The following TARP variants were observed in gnomAD, a reference collection of about 807,000 sequenced individuals.
the TARP span, among the ~76,000 whole-genome samples, chr7:38,264,474 C>G: frequency 7.0e-4 from 106 of 151,310 alleles, 1 homozygote; most frequent in Admixed American, 4.0e-4. Flanking sequence ...GCCTGCAATC[C>G]CAGCCTGTCG....
At chr7:38,268,378 T>C in the TARP span, among the ~76,000 whole-genome samples, 1 of 151,630 alleles carries the variant, frequency 6.6e-6, no homozygotes, top group Non-Finnish European at 1.5e-5. Context: ...ATATATTAAA[T>C]CTACATATGG....
the TARP span, among the ~76,000 whole-genome samples, chr7:38,260,958 G>C: frequency 3.3e-5 from 5 of 151,926 alleles, no homozygotes; most frequent in East Asian, 9.6e-4. Context: ...CATATGTAGA[G>C]AGAAAAAGCC....
the TARP span, among the ~76,000 whole-genome samples, chr7:38,268,242 T>G: frequency 6.6e-6 from 1 of 151,448 alleles, no homozygotes; most frequent in African/African-American, 2.4e-5. Context: ...TTGGATTCAT[T>G]TATGTACATT....
chr7:38,260,476 A>T, the TARP span, among the ~76,000 whole-genome samples: 1 of 146,420 alleles, frequency 6.8e-6, no homozygotes, highest in Admixed American at 6.8e-5. Context: ...GTAAGGTTGC[A>T]TTGTGGAAAA....
the TARP span, among the ~76,000 whole-genome samples, chr7:38,267,976 T>C: frequency 6.6e-6 from 1 of 151,440 alleles, no homozygotes; most frequent in Admixed American, 6.6e-5. Context: ...TTTCATTCTT[T>C]TCAGGACAAA....
chr7:38,271,942 C>T, the TARP span, among the ~76,000 whole-genome samples: 188 of 151,408 alleles, frequency 1.2e-3, 1 homozygote, highest in Middle Eastern at 3.4e-3. Context: ...AGACATTTGA[C>T]TGTTTTACCT....
chr7:38,272,060 C>T, the TARP span, among the ~76,000 whole-genome samples: 1 of 150,938 alleles, frequency 6.6e-6, no homozygotes, highest in Admixed American at 6.7e-5. Flanking sequence ...TCAGGTAGAT[C>T]ATATTTGAGA....
At chr7:38,270,145 A>G in the TARP span, among the ~76,000 whole-genome samples, 1 of 151,868 alleles carries the variant, frequency 6.6e-6, no homozygotes, top group South Asian at 2.1e-4. Context: ...GATGATGATG[A>G]TGTCATTGTT....
chr7:38,261,157 A>G, the TARP span, among the ~76,000 whole-genome samples: 1 of 151,762 alleles, frequency 6.6e-6, no homozygotes. Context: ...GTGAAAGTCC[A>G]GTCTGCAAAG....
At chr7:38,265,724 A>G in the TARP span, 55 of 1,370,650 alleles carry the variant, frequency 4.0e-5, no homozygotes, top group Middle Eastern at 3.7e-4. Context: ...CATTAGAGAA[A>G]CACACACATT....
the TARP span, chr7:38,265,363 G>A: frequency 6.2e-7 from 1 of 1,610,448 alleles, no homozygotes; most frequent in Non-Finnish European, 8.5e-7. Context: ...CTTTATTGGA[G>A]GAAAGATAAT....
At chr7:38,262,464 G>A in the TARP span, among the ~76,000 whole-genome samples, 1 of 151,568 alleles carries the variant, frequency 6.6e-6, no homozygotes, top group African/African-American at 2.4e-5. Flanking sequence ...CAACTGGAGT[G>A]TAGTATCCAA....
chr7:38,271,977 G>A, the TARP span, among the ~76,000 whole-genome samples: 1 of 151,034 alleles, frequency 6.6e-6, no homozygotes, highest in Non-Finnish European at 1.5e-5. Flanking sequence ...TTACATATTC[G>A]AGTTGGGGGA....
At chr7:38,266,433 A>G in the TARP span, among the ~76,000 whole-genome samples, 1 of 151,740 alleles carries the variant, frequency 6.6e-6, no homozygotes, top group Admixed American at 6.6e-5. Flanking sequence ...CAGCCTCCCA[A>G]GTAGCTGGGA....
chr7:38,272,757 T>A, the TARP span, among the ~76,000 whole-genome samples: 1 of 150,546 alleles, frequency 6.6e-6, no homozygotes, highest in African/African-American at 2.5e-5. Flanking sequence ...CCATACCTTT[T>A]CTTGCACCGC....
the TARP span, among the ~76,000 whole-genome samples, chr7:38,271,671 T>C: frequency 3.0e-4 from 45 of 151,544 alleles, no homozygotes; most frequent in African/African-American, 1.1e-3. Context: ...TATATCCTTT[T>C]ATTTTGTGAG....
the TARP span, among the ~76,000 whole-genome samples, chr7:38,267,105 ATATTT>A: frequency 1.0e-3 from 155 of 151,802 alleles, no homozygotes; most frequent in Non-Finnish European, 1.7e-3. Flanking sequence ...CAGTGTATCT[ATATTT>A]TGACTCTTTA....
chr7:38,273,330 T>C, the TARP span, among the ~76,000 whole-genome samples: 16 of 151,246 alleles, frequency 1.1e-4, no homozygotes, highest in Middle Eastern at 3.4e-3. Flanking sequence ...CACAAAACTT[T>C]CAACAGAGAG....
the TARP span, chr7:38,269,488 T>C: frequency 1.4e-6 from 1 of 726,826 alleles, no homozygotes. Context: ...TTCCGATACT[T>C]ACCTGTGACA....
Sources: allele counts gnomAD v4.1 joint callset (sites outside exome capture counted in the v4.1 genomes callset), GRCh38; gene constraint gnomAD v4.1.1; transcripts MANE v1.5.